Variants in PRR16 observed in about 807,000 individuals in gnomAD.
The protein encoded by PRR16 is proline rich 16.
A neutral mutation model predicts 18.2 loss-of-function variants in PRR16; 6 were observed. The observed-to-expected ratio is 0.33, with a 90% CI of 0.18 to 0.65. The LOEUF is 0.65. Among genes scored for constraint, PRR16 ranks in the 30% least tolerant of loss-of-function variants. PRR16 has a pLI of 0.74. For missense variants in PRR16, 412 were observed against 376.6 expected, an observed-to-expected ratio of 1.09 and a Z score of -0.78; for synonymous variants, 151 against 147.8, an observed-to-expected ratio of 1.02 and a Z score of -0.16.
At chr5:120,516,313 T>G (rs1381473014) in intron 1 of PRR16, among the ~76,000 whole-genome samples, 1 of 150,600 alleles carries the variant, frequency 6.6e-6, no homozygotes, top group Non-Finnish European at 1.5e-5. Flanking sequence ...TAGTCCCAGC[T>G]ACTCGGGAGG....
the PRR16 span, among the ~76,000 whole-genome samples, chr5:120,759,233 C>T: frequency 1.3e-5 from 2 of 151,998 alleles, no homozygotes; most frequent in East Asian, 3.9e-4. Context: ...GCTTCGGCCT[C>T]CCAAAGTGCT....
intron 1 of PRR16, among the ~76,000 whole-genome samples, chr5:120,513,193 CA>C (rs1750884227): frequency 6.6e-6 from 1 of 152,136 alleles, no homozygotes; most frequent in African/African-American, 2.4e-5. Context: ...ATGCCTAAAG[CA>C]GGATGTCTGC....
chr5:120,552,495 C>G (rs924946035), intron 1 of PRR16, among the ~76,000 whole-genome samples: 2 of 151,832 alleles, frequency 1.3e-5, no homozygotes, highest in African/African-American at 4.8e-5. Context: ...CCATTTATAT[C>G]ATTTTAAGAT....
At chr5:120,626,523 G>C (rs1009627605) in intron 1 of PRR16, among the ~76,000 whole-genome samples, 1 of 152,222 alleles carries the variant, frequency 6.6e-6, no homozygotes, top group African/African-American at 2.4e-5. Flanking sequence ...AAGCTGGATT[G>C]TTGCAATGGT....
chr5:120,701,029 A>G, the PRR16 span, among the ~76,000 whole-genome samples: 4 of 152,198 alleles, frequency 2.6e-5, no homozygotes, highest in East Asian at 1.9e-4. Context: ...TCCTTGGCCC[A>G]GTGGCCAGAT....
chr5:120,554,622 T>C (rs1752354563), intron 1 of PRR16, among the ~76,000 whole-genome samples: 1 of 151,884 alleles, frequency 6.6e-6, no homozygotes, highest in Non-Finnish European at 1.5e-5. Context: ...AACTAGCATT[T>C]GTGACTAGGG....
chr5:120,491,521 GTCTCTCTTTT>G (rs1750047687), intron 1 of PRR16, among the ~76,000 whole-genome samples: 1 of 129,948 alleles, frequency 7.7e-6, no homozygotes, highest in Non-Finnish European at 1.6e-5. Flanking sequence ...CTGTCTTTCT[GTCTCTCTTTT>G]TCTCTCTTTC....
chr5:120,727,856 A>T, the PRR16 span, among the ~76,000 whole-genome samples: 1 of 152,062 alleles, frequency 6.6e-6, no homozygotes, highest in African/African-American at 2.4e-5. Context: ...TTCATTTTTT[A>T]AATCATTAAG....
At chr5:120,597,288 A>T (rs1237997899) in intron 1 of PRR16, among the ~76,000 whole-genome samples, 1 of 151,696 alleles carries the variant, frequency 6.6e-6, no homozygotes, top group East Asian at 1.9e-4. Context: ...TTTACAGTAA[A>T]AATTTTCACC....
At chr5:120,626,792 G>T (rs1754879366) in intron 1 of PRR16, among the ~76,000 whole-genome samples, 1 of 152,002 alleles carries the variant, frequency 6.6e-6, no homozygotes, top group East Asian at 1.9e-4. Context: ...AAAAGTAATT[G>T]TTTTAACATC....
intron 1 of PRR16, among the ~76,000 whole-genome samples, chr5:120,538,299 G>C (rs1751794515): frequency 6.6e-6 from 1 of 152,124 alleles, no homozygotes; most frequent in Non-Finnish European, 1.5e-5. Context: ...TAAGCATTCT[G>C]AGATTTTTAA....
chr5:120,663,256 T>G (rs1458286026), intron 1 of PRR16, among the ~76,000 whole-genome samples: 2 of 152,284 alleles, frequency 1.3e-5, no homozygotes, highest in African/African-American at 4.8e-5. Context: ...CAGTGAATTA[T>G]GCCTTCTTAG....
chr5:120,567,472 C>G (rs1479004875), intron 1 of PRR16, among the ~76,000 whole-genome samples: 6 of 152,110 alleles, frequency 3.9e-5, no homozygotes, highest in Non-Finnish European at 8.8e-5. Flanking sequence ...ATCATTATTA[C>G]AACTTCCTGT....
chr5:120,635,090 C>G (rs146597677), intron 1 of PRR16, among the ~76,000 whole-genome samples: 3 of 152,112 alleles, frequency 2.0e-5, no homozygotes, highest in African/African-American at 7.2e-5. Context: ...TCAGAACAGA[C>G]CAATAACAAG....
chr5:120,523,065 T>C (rs574946088), intron 1 of PRR16, among the ~76,000 whole-genome samples: 2 of 152,234 alleles, frequency 1.3e-5, no homozygotes, highest in African/African-American at 2.4e-5. Context: ...CATAGACATG[T>C]ATCCCAGGCT....
the PRR16 span, among the ~76,000 whole-genome samples, chr5:120,705,884 A>G: frequency 6.6e-6 from 1 of 152,132 alleles, no homozygotes; most frequent in Non-Finnish European, 1.5e-5. Context: ...GAGACCCTAA[A>G]AAATATGAAG....
chr5:120,692,606 G>A, the PRR16 span, among the ~76,000 whole-genome samples: 17 of 152,150 alleles, frequency 1.1e-4, no homozygotes, highest in Admixed American at 6.5e-4. Flanking sequence ...ATGGGTGTGG[G>A]CCCAAGTCAT....
chr5:120,486,733 C>G (rs1349076156), intron 1 of PRR16, among the ~76,000 whole-genome samples: 7 of 152,092 alleles, frequency 4.6e-5, no homozygotes, highest in Non-Finnish European at 7.4e-5. Context: ...TGTCTCTGTC[C>G]TGAATGGTAT....
the PRR16 span, among the ~76,000 whole-genome samples, chr5:120,759,662 C>A: frequency 2.6e-5 from 4 of 151,926 alleles, no homozygotes; most frequent in South Asian, 4.1e-4. Flanking sequence ...AAAGAGTGAA[C>A]CTTAGTGTAT....
Sources: gnomAD v4.1 joint callset for allele counts (sites outside exome capture counted in the v4.1 genomes callset) on GRCh38, gnomAD v4.1.1 for gene constraint, MANE v1.5 for transcripts, NCBI Gene and HGNC (gene_info 2026-07-23, HGNC 2026-07-21) for gene names.